Variants in TMTC4 observed in about 807,000 individuals in gnomAD.
TMTC4 encodes transmembrane O-mannosyltransferase targeting cadherins 4.
In TMTC4, 65 loss-of-function variants were observed where a neutral mutation model predicts 86.0. That is an observed-to-expected ratio of 0.76 (90% CI 0.62 to 0.93). The LOEUF is 0.93. Among genes scored for constraint, TMTC4 ranks in the 40% least tolerant of loss-of-function variants. TMTC4 has a pLI of 0.00. For synonymous variants in TMTC4, 379 were observed against 382.5 expected (o/e 0.99, Z 0.11); for missense variants, 866 against 948.1 (o/e 0.91, Z 1.14).
At chr13:100,636,125 T>C (rs1882169480) in intron 10 of TMTC4, among the ~76,000 whole-genome samples, 1 of 152,248 alleles carries the variant, frequency 6.6e-6, no homozygotes, top group South Asian at 2.1e-4. Context: ...ATGGCTTATT[T>C]TGTACCCAGC....
Position 100,604,135 on chromosome 13 carries a change from G to A in TMTC4, c.*859C>T, listed in dbSNP as rs1360094730. The A allele has an allele frequency of 6.6e-6, 1 of 152,614 alleles. No homozygotes were observed. Among genetic ancestry groups the A allele is most frequent in the Non-Finnish European group, 1.5e-5 (1 of 68,024 alleles). 9.5% of individuals were successfully genotyped at this position (152,614 alleles called of 1,614,324 possible). A position where few individuals can be genotyped will look rare whatever the true frequency, so the allele number is the denominator to read the frequency against. On this transcript the variant is annotated 3_prime_UTR_variant, in exon 19 of 19. Transcript: ENST00000342624. Reference sequence around the variant, plus strand: ...GAAAATTTTGCATTTTCTGGATAATGTCTGTAGTTACATTAAGCAAAATGG... The same window carrying A: ...GAAAATTTTGCATTTTCTGGATAATATCTGTAGTTACATTAAGCAAAATGG...
intron 7 of TMTC4, chr13:100,638,239 T>G (rs548233844): frequency 4.6e-5 from 22 of 476,192 alleles, no homozygotes; most frequent in African/African-American, 3.3e-4. Flanking sequence ...AGTAAGCCCC[T>G]GATAGTAATG....
At chr13:100,612,672 C>T (rs1477448108) in intron 16 of TMTC4, among the ~76,000 whole-genome samples, 162 bp from the exon 17 acceptor site, 2 of 139,894 alleles carry the variant, frequency 1.4e-5, no homozygotes, top group South Asian at 4.6e-4. Context: ...CACACACACA[C>T]ACACACACAC....
At chr13:100,625,393 T>C (rs938955090) in intron 15 of TMTC4, 142 bp downstream of exon 15, 11 of 1,157,392 alleles carry the variant, frequency 9.5e-6, no homozygotes, top group Admixed American at 2.1e-5. Flanking sequence ...GGAAATCAAA[T>C]AGCTACCTTC....
chr13:100,625,515 A>G lies in TMTC4; in HGVS notation c.1836+20T>C. On this transcript the variant is annotated intron_variant, in intron 15 of 18. Transcript: ENST00000342624. Reference sequence around the variant, plus strand: ...ATAACCCATCTTTCCTTCCACAGGCACAGGGCACCCCGCGCTTACCAGACG... The same window carrying G: ...ATAACCCATCTTTCCTTCCACAGGCGCAGGGCACCCCGCGCTTACCAGACG... 1 of 1,612,778 alleles carries G rather than the reference A, an allele frequency of 6.2e-7. No individual in the cohort carries two copies. Among genetic ancestry groups the G allele is most frequent in the Non-Finnish European group, 8.5e-7 (1 of 1,180,032 alleles).
chr13:100,658,444 G>A (rs1401460092), intron 5 of TMTC4, among the ~76,000 whole-genome samples: 2 of 152,090 alleles, frequency 1.3e-5, no homozygotes, highest in African/African-American at 4.8e-5. Context: ...AGGATGGACT[G>A]GAATCCCAAC....
intron 5 of TMTC4, among the ~76,000 whole-genome samples, chr13:100,662,098 G>A (rs915489884): frequency 6.6e-6 from 1 of 151,922 alleles, no homozygotes; most frequent in African/African-American, 2.4e-5. Flanking sequence ...GGATGGAGAT[G>A]CAGCCTCCAG....
At chr13:100,643,109 G>C (rs551548380) in intron 6 of TMTC4, among the ~76,000 whole-genome samples, 1 of 152,026 alleles carries the variant, frequency 6.6e-6, no homozygotes, top group Non-Finnish European at 1.5e-5. Flanking sequence ...TGCAATTTGG[G>C]GGCCAGAACT....
At chr13:100,637,341 C>T (rs9300613) in intron 9 of TMTC4, among the ~76,000 whole-genome samples, 197 bp downstream of exon 9, 52,390 of 151,988 alleles carry the variant, frequency 0.34, 9,474 homozygotes, top group East Asian at 0.6. Context: ...GGAGCTTCTG[C>T]ATGCCCTTTC....
chr13:100,642,444 A>C, intron 6 of TMTC4, 133 bp from the exon 7 acceptor site: 1 of 937,516 alleles, frequency 1.1e-6, no homozygotes, highest in East Asian at 2.5e-5. Context: ...TTCAGACAGC[A>C]CTTCTCTGTG....
chr13:100,609,552 G>A (rs1393833438), intron 17 of TMTC4, among the ~76,000 whole-genome samples: 2 of 152,016 alleles, frequency 1.3e-5, no homozygotes, highest in African/African-American at 2.4e-5. Context: ...CATTACTTTT[G>A]TATTTTTGCT....
At chr13:100,658,209 G>T (rs1398304000) in intron 5 of TMTC4, among the ~76,000 whole-genome samples, 2 of 152,212 alleles carry the variant, frequency 1.3e-5, no homozygotes, top group Non-Finnish European at 2.9e-5. Context: ...CTGGTACAGG[G>T]TGGGTGCAGC....
intron 12 of TMTC4, among the ~76,000 whole-genome samples, chr13:100,629,970 C>A (rs1198503368): frequency 6.6e-6 from 1 of 151,628 alleles, no homozygotes; most frequent in African/African-American, 2.4e-5. Context: ...TGTGACAATT[C>A]CAGCATTTAC....
chr13:100,621,844 T>C (rs1450868803), intron 15 of TMTC4, among the ~76,000 whole-genome samples: 2 of 152,198 alleles, frequency 1.3e-5, no homozygotes, highest in Non-Finnish European at 2.9e-5. Flanking sequence ...CCCAAATGCA[T>C]GAATTCAGGT....
At chr13:100,612,267 C>T in intron 17 of TMTC4, 131 bp downstream of exon 17, 1 of 692,324 alleles carries the variant, frequency 1.4e-6, no homozygotes, top group East Asian at 2.9e-5. Flanking sequence ...AACAAACTGG[C>T]CAAGCCACAT....
rs563441008 is a variant in TMTC4 at position 100,664,281 on chromosome 13, C to T, written c.275G>A (p.Ser92Asn). The T allele has an allele frequency of 2.5e-6, 4 of 1,612,570 alleles. No homozygotes were observed. In the African/African-American group the frequency reaches 5.3e-5, roughly 22 times the overall value. Residue 92 changes from serine to asparagine, a missense_variant, in exon 4 of 19, where the codon AGT becomes AAT. By Grantham distance (46) the Ser-to-Asn change is conservative (BLOSUM62 1). Transcript: ENST00000342624. Reference protein sequence around the residue: ...GDLWHHDFWGSRLSSNTSHKS... With the variant: ...GDLWHHDFWGNRLSSNTSHKS... ...GTGGCTGGTGTTGCTGCTCAGTCTA[C>T]TGCCCCAGAAGTCATGATGCCACAG...
chr13:100,628,927 T>C (rs958331788), intron 12 of TMTC4, among the ~76,000 whole-genome samples: 1 of 152,144 alleles, frequency 6.6e-6, no homozygotes, highest in African/African-American at 2.4e-5. Context: ...AATGGGTAGA[T>C]CACCTGAGGT....
intron 15 of TMTC4, among the ~76,000 whole-genome samples, chr13:100,623,211 G>A (rs544660007): frequency 6.6e-6 from 1 of 152,274 alleles, no homozygotes; most frequent in East Asian, 1.9e-4. Context: ...GGAATCACCT[G>A]GGTGATTCAT....
At chr13:100,609,784 A>G (rs9518104) in intron 17 of TMTC4, among the ~76,000 whole-genome samples, 43,604 of 151,944 alleles carry the variant, frequency 0.29, 7,528 homozygotes, top group East Asian at 0.41. Flanking sequence ...CACCTTGTCA[A>G]GAGGGTGGGC....
Sources: gnomAD v4.1 joint callset for allele counts (sites outside exome capture counted in the v4.1 genomes callset) on GRCh38, gnomAD v4.1.1 for gene constraint, MANE v1.5 for transcripts, NCBI Gene and HGNC (gene_info 2026-07-23, HGNC 2026-07-21) for gene names.